The following UBA5 variants were observed in gnomAD, a reference collection of about 807,000 sequenced individuals.
UBA5 encodes ubiquitin like modifier activating enzyme 5.
A neutral mutation model predicts 52.9 loss-of-function variants in UBA5; 28 were observed. That is an observed-to-expected ratio of 0.53 (90% CI 0.39 to 0.73). UBA5 has a LOEUF of 0.73. UBA5 is among the 30% of genes least tolerant of loss of function. The probability of loss-of-function intolerance (pLI) is 0.00; values close to 1 mark genes in which losing one functional copy is unlikely to be tolerated. For synonymous variants in UBA5, 135 were observed against 162.1 expected (o/e 0.83, Z 1.27); for missense variants, 388 against 492.7 (o/e 0.79, Z 2.01).
rs774318611 is a variant in UBA5, at chr3:132,665,825, G to A, written c.164G>A (p.Arg55His). Residue 55 changes from arginine (R) to histidine (H), a missense_variant and splice_region_variant, in exon 2 of 12, where the codon CGC becomes CAC. Transcript: ENST00000356232. Reference protein sequence around the residue: ...SEVVDSNPYSRLMALKRMGIV... With the variant: ...SEVVDSNPYSHLMALKRMGIV... ...AACATATTTTTCTTTGTTTTAAGCC[G>A]CTTGATGGCATTGAAACGAATGGGA... 8 of 1,613,182 alleles carry A rather than the reference G, an allele frequency of 5.0e-6. No homozygotes were observed. The highest frequency in any genetic ancestry group is 4.5e-5 in the East Asian group (2 of 44,856).
chr3:132,654,812 C>T (rs1349021375), intron 1 of UBA5: 1 of 152,168 alleles, frequency 6.6e-6, no homozygotes, highest in Admixed American at 6.5e-5. Context: ...AGAAGCCACA[C>T]AATAAATCGT....
chr3:132,666,241 G>A, intron 3 of UBA5, 168 bp downstream of exon 3: 3 of 582,546 alleles, frequency 5.1e-6, no homozygotes, highest in Non-Finnish European at 6.1e-6. Flanking sequence ...CAAACAAAAG[G>A]TGATATTAGA....
upstream of UBA5, chr3:132,659,975 G>A (rs762491043): frequency 1.2e-5 from 6 of 483,062 alleles, no homozygotes; most frequent in Non-Finnish European, 2.1e-5. Context: ...TGTGTGTTCG[G>A]GTTTCAATTC....
Position 132,671,811 on chromosome 3 carries a change from C to G in UBA5, c.614C>G (p.Ser205Cys), listed in dbSNP as rs752461514. The part of the protein sequence containing the change: ...CNELGQTWME[S>C]GVSENAVSGH... Reference sequence around the variant, plus strand: ...GAACTTGGACAAACATGGATGGAATCTGGGGTCAGTGAAAATGCAGTTTCA... The same window carrying G: ...GAACTTGGACAAACATGGATGGAATGTGGGGTCAGTGAAAATGCAGTTTCA... Residue 205 changes from serine to cysteine, a missense_variant, in exon 7 of 12, where the codon TCT (serine) becomes TGT (cysteine). Ser to Cys is a moderately radical substitution (Grantham distance 112, BLOSUM62 -1). Transcript: ENST00000356232. The G allele has an allele frequency of 6.2e-7, 1 of 1,613,662 alleles. No homozygotes were observed. The highest frequency in any genetic ancestry group is 8.5e-7 in the Non-Finnish European group (1 of 1,179,812).
chr3:132,676,928 C>G lies in UBA5; in HGVS notation c.*402C>G, dbSNP rs1224923274. 1 of 455,430 alleles carries G rather than the reference C, an allele frequency of 2.2e-6. No homozygotes were observed. The highest frequency in any genetic ancestry group is 6.9e-5 in the East Asian group (1 of 14,404). 28.2% of individuals were successfully genotyped at this position (455,430 alleles called of 1,614,324 possible). A position where few individuals can be genotyped will look rare whatever the true frequency, so the allele number is the denominator to read the frequency against. On this transcript the variant is annotated 3_prime_UTR_variant, in exon 12 of 12. Coordinates refer to ENST00000356232, the MANE Select transcript of UBA5 (RefSeq NM_024818.6). The surrounding 1 kb of genome is among the most constrained non-coding windows in gnomAD (Gnocchi z 4.1). ...TGATCCTCAGATACAGGGAGAAGGA[C>G]AAGGCATACAGCTTATTGATTAGAG...
At chr3:132,669,277 A>C (rs1486209416) in intron 4 of UBA5, among the ~76,000 whole-genome samples, 1 of 152,138 alleles carries the variant, frequency 6.6e-6, no homozygotes, top group Non-Finnish European at 1.5e-5. Flanking sequence ...ATTAAAAAAT[A>C]AAATTTTTTT....
Position 132,668,720 on chromosome 3 carries a change from C to T in UBA5, c.298-98C>T, listed in dbSNP as rs1369767283. The T allele has an allele frequency of 4.1e-6, 3 of 735,566 alleles. No individual in the cohort carries two copies. In the East Asian group the frequency reaches 7.8e-5, roughly 19 times the overall value. 45.6% of individuals were successfully genotyped at this position (735,566 alleles called of 1,614,324 possible). On this transcript the variant is annotated intron_variant, in intron 3 of 11. Coordinates refer to ENST00000356232, the MANE Select transcript of UBA5 (RefSeq NM_024818.6). ...AGAGTTAGCTAATATTATTATCAAACTGCTAAACTAATTAAATGTAAAGCT... is the reference window on the plus strand; with the variant it reads ...AGAGTTAGCTAATATTATTATCAAATTGCTAAACTAATTAAATGTAAAGCT...
intron 4 of UBA5, 49 bp downstream of exon 4, chr3:132,668,976 T>G: frequency 8.0e-7 from 1 of 1,256,206 alleles, no homozygotes; most frequent in Non-Finnish European, 1.1e-6. Context: ...TCTTACTTTA[T>G]GTATTTGATA....
Position 132,676,063 on chromosome 3 carries a change from TG to T in UBA5, c.1131+141del, listed in dbSNP as rs1938826408. The T allele has an allele frequency of 7.8e-6, 5 of 639,480 alleles. No individual in the cohort carries two copies. The highest frequency in any genetic ancestry group is 1.3e-5 in the Non-Finnish European group (5 of 372,948). 39.6% of individuals were successfully genotyped at this position (639,480 alleles called of 1,614,324 possible). The stretch of plus-strand genomic sequence containing the variant: ...GGCATTAAGATGTGAGAGAGAGGTA[TG>T]CAGTGTTAATATGCAAATATTTATA... On this transcript the variant is annotated intron_variant, in intron 11 of 11. Coordinates refer to ENST00000356232, the MANE Select transcript of UBA5 (RefSeq NM_024818.6). This position sits in a 1 kb window ranked among gnomAD's most constrained non-coding sequence, Gnocchi z 4.1.
At chr3:132,664,878 A>G (rs984391727) in intron 1 of UBA5, among the ~76,000 whole-genome samples, 2 of 152,176 alleles carry the variant, frequency 1.3e-5, no homozygotes, top group Non-Finnish European at 2.9e-5. Context: ...ATGAATATGA[A>G]TGTATCTAGA....
chr3:132,670,821 T>C, intron 5 of UBA5, 144 bp from the exon 6 acceptor site: 1 of 490,712 alleles, frequency 2.0e-6, no homozygotes, highest in Non-Finnish European at 3.6e-6. Flanking sequence ...ATATATATGA[T>C]ATCTTTAATA....
At chr3:132,670,835 C>T (rs1938568529) in intron 5 of UBA5, 130 bp from the exon 6 acceptor site, 4 of 530,480 alleles carry the variant, frequency 7.5e-6, no homozygotes, top group Non-Finnish European at 9.9e-6. Flanking sequence ...TTTAATATTA[C>T]ATATTTATTA....
intron 8 of UBA5, 76 bp from the exon 9 acceptor site, chr3:132,675,172 T>G: frequency 1.8e-6 from 2 of 1,110,392 alleles, no homozygotes; most frequent in Non-Finnish European, 2.5e-6. Flanking sequence ...TTCAACGTTA[T>G]TTTTAAAAAA....
In UBA5 at chr3:132,670,239, A is replaced by G; in HGVS notation, c.449A>G (p.Asn150Ser). Residue 150 changes from asparagine to serine, a missense_variant, in exon 5 of 12, where the codon AAT (asparagine) becomes AGT (serine). By Grantham distance (46) the Asn-to-Ser change is conservative. Coordinates refer to ENST00000356232, the MANE Select transcript of UBA5 (RefSeq NM_024818.6). ...PDVLFEVHNYNITTVENFQHF... is the reference protein window; with the variant it reads ...PDVLFEVHNYSITTVENFQHF... ...GTTCTTTTTGAAGTACACAACTATA[A>G]TATAACCACAGTGGAAAACTTTCAA... 6.6e-7 allele frequency: 1 copy of G among 1,509,762 alleles called. No homozygotes were observed. Among genetic ancestry groups the G allele is most frequent in the Non-Finnish European group, 9.1e-7 (1 of 1,094,576 alleles). 93.5% of individuals were successfully genotyped at this position (1,509,762 alleles called of 1,614,324 possible).
upstream of UBA5, among the ~76,000 whole-genome samples, chr3:132,657,743 T>G (rs1937883909): frequency 6.6e-6 from 1 of 152,216 alleles, no homozygotes; most frequent in South Asian, 2.1e-4. Flanking sequence ...TACACTGAAC[T>G]TTGATAGTCT....
intron 1 of UBA5, among the ~76,000 whole-genome samples, chr3:132,665,130 C>G (rs1199960933): frequency 6.6e-6 from 1 of 151,964 alleles, no homozygotes; most frequent in Admixed American, 6.6e-5. Flanking sequence ...ATGCTAAGAG[C>G]AAAATCTGAT....
Position 132,660,850 on chromosome 3 carries a change from T to C in UBA5, c.161+152T>C. On this transcript the variant is annotated intron_variant, in intron 1 of 11. Coordinates refer to ENST00000356232, the MANE Select transcript of UBA5 (RefSeq NM_024818.6). The surrounding 1 kb of genome is among the most constrained non-coding windows in gnomAD (Gnocchi z 4.1). ...CTGTTCCCAAATGGGCAAGGCCACA[T>C]CTTAGTACTGATCGGAAGATATTCT... 6.9e-7 allele frequency: 1 copy of C among 1,452,752 alleles called. No individual in the cohort carries two copies. Among genetic ancestry groups the C allele is most frequent in the South Asian group, 1.5e-5 (1 of 67,622 alleles). 90.0% of individuals were successfully genotyped at this position (1,452,752 alleles called of 1,614,324 possible).
chr3:132,657,483 G>T (rs1220630060), upstream of UBA5, among the ~76,000 whole-genome samples: 1 of 152,100 alleles, frequency 6.6e-6, no homozygotes, highest in Non-Finnish European at 1.5e-5. Flanking sequence ...TTAGGATTTT[G>T]ATTGTCATTG....
upstream of UBA5, among the ~76,000 whole-genome samples, chr3:132,658,716 T>C (rs1296359741): frequency 6.6e-6 from 1 of 152,210 alleles, no homozygotes; most frequent in African/African-American, 2.4e-5. Flanking sequence ...ATCCATCTCA[T>C]TTATTATTAT....
Sources: gnomAD v4.1 joint callset for allele counts (sites outside exome capture counted in the v4.1 genomes callset) on GRCh38, gnomAD v4.1.1 for gene constraint, Gnocchi (gnomAD v3.1) non-coding constraint, MANE v1.5 for transcripts, NCBI Gene and HGNC (gene_info 2026-07-23, HGNC 2026-07-21) for gene names.